The following GLT1D1 variants were observed in gnomAD, a reference collection of about 807,000 sequenced individuals.
The protein encoded by GLT1D1 is glycosyltransferase 1 domain containing 1.
In GLT1D1, 21 loss-of-function variants were observed where a neutral mutation model predicts 28.7. That is an observed-to-expected ratio of 0.73 (90% confidence interval 0.52 to 1.05). GLT1D1 has a LOEUF of 1.05. Ranked by LOEUF, GLT1D1 falls within the 50% of genes least tolerant of loss-of-function variation. GLT1D1 has a pLI of 0.00. For synonymous variants in GLT1D1, 147 were observed against 124.8 expected (o/e 1.18, Z -1.19); for missense variants, 343 against 330.6 (o/e 1.04, Z -0.29).
rs1298553240 is a variant in GLT1D1 at position 128,951,575 on chromosome 12, G to A, written c.540+4117G>A. Among the ~76,000 whole-genome samples the A allele has an allele frequency of 2.0e-5, 3 of 152,092 alleles. No individual in the cohort carries two copies. The East Asian group carries it at 5.8e-4, about 29-fold the overall frequency. On this transcript the variant is annotated intron_variant, in intron 6 of 7. Coordinates refer to ENST00000281703, the MANE Select transcript of GLT1D1 (RefSeq NM_144669.3). ...ATTTCACTTGTCTTAGTCCCAGAGT[G>A]GGGTGCCTGACGCTGGCTCTGAACC...
At chr12:128,903,123 C>G (rs756106262) in intron 4 of GLT1D1, among the ~76,000 whole-genome samples, 2 of 151,736 alleles carry the variant, frequency 1.3e-5, no homozygotes, top group East Asian at 3.8e-4. Context: ...CAATATCATC[C>G]TCCACCATAA....
intron 4 of GLT1D1, among the ~76,000 whole-genome samples, chr12:128,920,507 T>C (rs1323213259): frequency 2.0e-5 from 3 of 152,114 alleles, no homozygotes; most frequent in Admixed American, 6.6e-5. Flanking sequence ...TGAGGTGAGA[T>C]TGCGGCATTG....
At chr12:128,863,806 C>A (rs1437593962) in intron 1 of GLT1D1, among the ~76,000 whole-genome samples, 2 of 151,958 alleles carry the variant, frequency 1.3e-5, no homozygotes, top group African/African-American at 4.8e-5. Flanking sequence ...AGTAGCCACA[C>A]GTGGTGGCGG....
At chr12:128,982,723 CGTGT>C (rs374591114) in intron 7 of GLT1D1, among the ~76,000 whole-genome samples, 2 of 151,008 alleles carry the variant, frequency 1.3e-5, no homozygotes, top group Non-Finnish European at 3.0e-5. Context: ...TGTATGTGTG[CGTGT>C]GTGTGTGTGT....
At position 128,853,491 on chromosome 12, in the gene GLT1D1, C is replaced by G; in HGVS notation, c.-91C>G. 1 of 963,380 alleles carries G rather than the reference C, an allele frequency of 1.0e-6. No individual in the cohort carries two copies. The highest frequency in any genetic ancestry group is 4.7e-5 in the South Asian group (1 of 21,470). The allele number at this position is 963,380 out of a possible 1,614,324, so 59.7% of individuals were successfully genotyped here. A position where few individuals can be genotyped will look rare whatever the true frequency, so the allele number is the denominator to read the frequency against. Reference sequence around the variant, plus strand: ...GGGGCGGGCGGGACAGACCCAGCCGCCCCGGCTCCCCCGCCGTCCGCGTCT... The same window carrying G: ...GGGGCGGGCGGGACAGACCCAGCCGGCCCGGCTCCCCCGCCGTCCGCGTCT... On this transcript the variant is annotated 5_prime_UTR_variant, in exon 1 of 8. Transcript: ENST00000281703.
At chr12:128,897,964 G>A (rs967864423) in intron 3 of GLT1D1, among the ~76,000 whole-genome samples, 1 of 152,140 alleles carries the variant, frequency 6.6e-6, no homozygotes, top group Non-Finnish European at 1.5e-5. Flanking sequence ...ACCAGGCCTG[G>A]CCTATGCTAT....
intron 4 of GLT1D1, among the ~76,000 whole-genome samples, chr12:128,926,665 C>T (rs1873254861): frequency 6.6e-6 from 1 of 152,170 alleles, no homozygotes; most frequent in East Asian, 1.9e-4. Context: ...TTTCCACTGT[C>T]CTGTGCCCTC....
chr12:128,881,561 A>AAAATATATATATAT (rs1555262848), intron 2 of GLT1D1, among the ~76,000 whole-genome samples: 2 of 33,728 alleles, frequency 5.9e-5, no homozygotes, highest in African/African-American at 1.1e-4. Context: ...AAAAAAAAAA[A>AAAATATATATATAT]ATATATATAT....
intron 1 of GLT1D1, among the ~76,000 whole-genome samples, chr12:128,866,521 C>T (rs1354368363): frequency 6.6e-6 from 1 of 151,246 alleles, no homozygotes; most frequent in Non-Finnish European, 1.5e-5. Context: ...CTCTGGGAAC[C>T]ACCATTCTGC....
intron 4 of GLT1D1, among the ~76,000 whole-genome samples, chr12:128,939,838 C>A (rs575677661): frequency 4.0e-4 from 17 of 42,068 alleles, no homozygotes; most frequent in African/African-American, 8.1e-4. Context: ...TTGTTAGAAA[C>A]CCCCCCCCAC....
At chr12:128,905,708 G>A (rs1033389644) in intron 4 of GLT1D1, among the ~76,000 whole-genome samples, 1 of 152,102 alleles carries the variant, frequency 6.6e-6, no homozygotes, top group Non-Finnish European at 1.5e-5. Flanking sequence ...CAATCCTAGT[G>A]GGCTCCTCAC....
chr12:128,881,038 C>T (rs1957019322), intron 2 of GLT1D1, among the ~76,000 whole-genome samples: 2 of 150,324 alleles, frequency 1.3e-5, no homozygotes, highest in Admixed American at 6.6e-5. Flanking sequence ...TCTTGGCTAA[C>T]ACGGTGAAAC....
intron 4 of GLT1D1, among the ~76,000 whole-genome samples, chr12:128,932,121 A>G (rs1593150830): frequency 6.6e-6 from 1 of 152,278 alleles, no homozygotes; most frequent in East Asian, 1.9e-4. Flanking sequence ...GGGCTGCATG[A>G]AGGTGCTGCC....
At chr12:128,964,452 C>T (rs1008377532) in intron 7 of GLT1D1, among the ~76,000 whole-genome samples, 1 of 152,178 alleles carries the variant, frequency 6.6e-6, no homozygotes, top group Non-Finnish European at 1.5e-5. Context: ...CACCTCCTGC[C>T]GTCCCCTTGG....
intron 4 of GLT1D1, among the ~76,000 whole-genome samples, chr12:128,928,594 C>T (rs1873524397): frequency 6.6e-6 from 1 of 151,554 alleles, no homozygotes; most frequent in African/African-American, 2.4e-5. Context: ...CTGCCAGTGA[C>T]AGCTCCGCGT....
At chr12:128,944,368 G>T in intron 4 of GLT1D1, 1 of 930,410 alleles carries the variant, frequency 1.1e-6, no homozygotes, top group Non-Finnish European at 1.7e-6. Context: ...TCTGGAGAAT[G>T]TTTCCAACAC....
intron 5 of GLT1D1, among the ~76,000 whole-genome samples, chr12:128,946,215 G>A (rs1024072198): frequency 8.5e-5 from 13 of 152,188 alleles, no homozygotes; most frequent in South Asian, 4.1e-4. Context: ...GAAGAAAGGC[G>A]AAGATTTACA....
intron 4 of GLT1D1, among the ~76,000 whole-genome samples, chr12:128,924,287 G>C (rs1872955113): frequency 6.6e-6 from 1 of 151,730 alleles, no homozygotes; most frequent in African/African-American, 2.4e-5. Flanking sequence ...AGTAGCTCGG[G>C]GTGGTGGTGT....
intron 7 of GLT1D1, among the ~76,000 whole-genome samples, chr12:128,968,658 G>A (rs569518512): frequency 3.9e-5 from 6 of 152,150 alleles, no homozygotes; most frequent in South Asian, 4.2e-4. Context: ...GCGAGACATC[G>A]TCTCAATAAT....
Sources: gnomAD v4.1 joint callset for allele counts (sites outside exome capture counted in the v4.1 genomes callset) on GRCh38, gnomAD v4.1.1 for gene constraint, MANE v1.5 for transcripts, NCBI Gene and HGNC (gene_info 2026-07-23, HGNC 2026-07-21) for gene names.